Variants in U2AF2 observed in about 807,000 individuals in gnomAD.
U2AF2 encodes the protein U2 small nuclear RNA auxiliary factor 2, also known as splicing factor U2AF 65 kDa subunit.
In U2AF2, 6 loss-of-function variants were observed where a neutral mutation model predicts 52.6. That is an observed-to-expected ratio of 0.11 (90% CI 0.06 to 0.23). The LOEUF (loss-of-function observed/expected upper bound fraction) is 0.23. Ranked by LOEUF, U2AF2 falls within the 10% of genes least tolerant of loss-of-function variation. The pLI is 1.00. For synonymous variants in U2AF2, 284 were observed against 258.2 expected (o/e 1.10, Z -0.96); for missense variants, 222 against 677.1 (o/e 0.33, Z 7.46).
intron 11 of U2AF2, among the ~76,000 whole-genome samples, chr19:55,672,827 T>G (rs777687246): frequency 4.4e-4 from 67 of 151,768 alleles, no homozygotes; most frequent in Non-Finnish European, 8.1e-4. Flanking sequence ...GTATTTTTAA[T>G]AGAGACAGGG....
chr19:55,664,107 A>G, intron 7 of U2AF2: 1 of 214,330 alleles, frequency 4.7e-6, no homozygotes, highest in Non-Finnish European at 9.3e-6. Context: ...CTGTGTGTCG[A>G]CGGTTGGCAG....
At chr19:55,662,233 GC>G in intron 5 of U2AF2, 1 of 357,230 alleles carries the variant, frequency 2.8e-6, no homozygotes, top group Middle Eastern at 7.5e-4. Context: ...ATTTTTTGGG[GC>G]CCCTGTGGCT....
chr19:55,668,599 C>T lies in U2AF2; in HGVS notation c.822+13C>T, dbSNP rs1225689351. The T allele has an allele frequency of 1.7e-5, 28 of 1,604,166 alleles. No homozygotes were observed. Among genetic ancestry groups the T allele is most frequent in the Non-Finnish European group, 2.2e-5 (26 of 1,174,146 alleles). The stretch of plus-strand genomic sequence containing the variant: ...GAACGATGACCAGGTAACTTCCCTG[C>T]CTCCCTCCAGACCCGTCCCCCCACC... On this transcript the variant is annotated intron_variant, in intron 8 of 11. Coordinates refer to ENST00000308924, the MANE Select transcript of U2AF2 (RefSeq NM_007279.3). The surrounding 1 kb of genome is among the most constrained non-coding windows in gnomAD (Gnocchi z 5.5).
At chr19:55,669,062 C>T in intron 9 of U2AF2, 21 bp from the exon 10 acceptor site, 2 of 1,609,130 alleles carry the variant, frequency 1.2e-6, no homozygotes, top group Non-Finnish European at 1.7e-6. Flanking sequence ...CACCCCCCGA[C>T]CCCTCATCCT....
rs1014765071 is a variant in U2AF2, at chr19:55,660,197, C to G, written c.206C>G (p.Ala69Gly). 3.7e-6 allele frequency: 6 copies of G among 1,610,294 alleles called. No homozygotes were observed. In the African/African-American group the frequency reaches 8.1e-5, roughly 22 times the overall value. Residue 69 changes from alanine (A) to glycine (G), a missense_variant, in exon 3 of 12, where the codon GCT (alanine) becomes GGT (glycine). Physicochemically the swap from Ala to Gly is moderately conservative, Grantham distance 60. Transcript: ENST00000308924. The stretch of plus-strand genomic sequence containing the variant: ...CCCAGCAAACCTTTGACCAGAGGCG[C>G]TAAAGAGGAGCACGGTGGACTGATG... ...RRRSKPLTRG[A>G]KEEHGGLIRS...
Position 55,655,119 on chromosome 19 carries a change from C to A in U2AF2, c.15C>A (p.Asp5Glu), listed in dbSNP as rs528369666. 1.9e-6 allele frequency: 3 copies of A among 1,604,548 alleles called. No homozygotes were observed. Among genetic ancestry groups the A allele is most frequent in the Admixed American group, 3.4e-5 (2 of 59,648 alleles). Reference sequence around the variant, plus strand: ...GCCGCCTCAGCATGTCGGACTTCGACGAGTTCGAGCGGCAGCTCAACGAGA... The same window carrying A: ...GCCGCCTCAGCATGTCGGACTTCGAAGAGTTCGAGCGGCAGCTCAACGAGA... MSDF[D>E]EFERQLNENK... Residue 5 changes from aspartate to glutamate, a missense_variant, in exon 1 of 12, where the codon GAC (aspartate) becomes GAA (glutamate). By Grantham distance (45) the Asp-to-Glu change is conservative (BLOSUM62 2). This residue lies in a region of U2AF2 where 100 missense variants were observed against 144.1 expected (regional missense o/e 0.69). Transcript: ENST00000308924.
At chr19:55,663,480 C>T (rs1984349602) in intron 6 of U2AF2, 126 bp from the exon 7 acceptor site, 5 of 1,438,012 alleles carry the variant, frequency 3.5e-6, no homozygotes, top group Non-Finnish European at 4.7e-6. Context: ...AGTGCCCAGC[C>T]TGGGGCCTGG....
chr19:55,668,909 G>A lies in U2AF2; in HGVS notation c.945+117G>A. 1 of 1,529,844 alleles carries A rather than the reference G, an allele frequency of 6.5e-7. No individual in the cohort carries two copies. Among genetic ancestry groups the A allele is most frequent in the Non-Finnish European group, 8.8e-7 (1 of 1,135,518 alleles). The allele number at this position is 1,529,844 out of a possible 1,614,324, so 94.8% of individuals were successfully genotyped here. A position where few individuals can be genotyped will look rare whatever the true frequency, so the allele number is the denominator to read the frequency against. On this transcript the variant is annotated intron_variant, in intron 9 of 11. Coordinates refer to ENST00000308924, the MANE Select transcript of U2AF2 (RefSeq NM_007279.3). The surrounding 1 kb of genome is among the most constrained non-coding windows in gnomAD (Gnocchi z 5.5). ...CGGGAGGCGGCCAACCTGAGGCAGT[G>A]CCCTGTGTGTGGGCTCGTCCCTGTC... is the stretch of plus-strand genomic sequence containing the variant.
At chr19:55,660,399 G>A (rs1332597582) in intron 3 of U2AF2, 117 bp from the exon 4 acceptor site, 13 of 1,097,678 alleles carry the variant, frequency 1.2e-5, no homozygotes, top group Non-Finnish European at 1.6e-5. Flanking sequence ...TCCCTGGAGA[G>A]AGTGGAGCTT....
intron 1 of U2AF2, among the ~76,000 whole-genome samples, chr19:55,657,956 C>T (rs369892349): frequency 5.9e-5 from 9 of 152,150 alleles, no homozygotes; most frequent in Admixed American, 3.9e-4. Context: ...GTACAGATTC[C>T]GGTTGTAGGA....
chr19:55,658,722 C>T (rs958620243), intron 1 of U2AF2: 1 of 153,644 alleles, frequency 6.5e-6, no homozygotes, highest in African/African-American at 2.4e-5. Context: ...TCCCTGCTTC[C>T]TGGGGATATC....
At chr19:55,660,439 C>G in intron 3 of U2AF2, 77 bp from the exon 4 acceptor site, 2 of 1,195,720 alleles carry the variant, frequency 1.7e-6, no homozygotes. Context: ...GAAAGGGTGC[C>G]TGGGAGGGGG....
chr19:55,667,103 C>A (rs981807076), intron 7 of U2AF2, among the ~76,000 whole-genome samples: 1 of 152,034 alleles, frequency 6.6e-6, no homozygotes, highest in Non-Finnish European at 1.5e-5. Context: ...TCTGTGTGGC[C>A]CCAGTCTGGT....
rs1051241117 is a variant in U2AF2, at chr19:55,668,308, G to A, written c.743-199G>A. Reference sequence around the variant, plus strand: ...TTGGGAGACATGGTGCGTTCTCCCCGAGGAGCCTCTGTGTGCCACTGCCCA... The same window carrying A: ...TTGGGAGACATGGTGCGTTCTCCCCAAGGAGCCTCTGTGTGCCACTGCCCA... On this transcript the variant is annotated intron_variant, in intron 7 of 11. Coordinates refer to ENST00000308924, the MANE Select transcript of U2AF2 (RefSeq NM_007279.3). This position sits in a 1 kb window ranked among gnomAD's most constrained non-coding sequence, Gnocchi z 5.5. 1.3e-5 allele frequency among the ~76,000 whole-genome samples: 2 copies of A among 152,090 alleles called. No homozygotes were observed. Among genetic ancestry groups the A allele is most frequent in the African/African-American group, 2.4e-5 (1 of 41,404 alleles).
chr19:55,657,182 A>G (rs1485692275), intron 1 of U2AF2, among the ~76,000 whole-genome samples: 2 of 152,192 alleles, frequency 1.3e-5, no homozygotes, highest in Non-Finnish European at 2.9e-5. Context: ...TGGTGCTGGT[A>G]GGGCAGTCCC....
chr19:55,663,568 G>T, intron 6 of U2AF2, 38 bp from the exon 7 acceptor site: 2 of 1,605,590 alleles, frequency 1.2e-6, no homozygotes, highest in Non-Finnish European at 1.7e-6. Context: ...ACTAGTCCCT[G>T]ACCCCCATCC....
In U2AF2 at chr19:55,669,045, C is replaced by T. The variant is rs781202593; in HGVS notation, c.946-38C>T. 2.5e-6 allele frequency: 4 copies of T among 1,600,550 alleles called. No individual in the cohort carries two copies. The South Asian group carries it at 3.3e-5, about 13-fold the overall frequency. On this transcript the variant is annotated intron_variant, in intron 9 of 11. Transcript: ENST00000308924. ...GGGCTCCTGGTCCCTGACCCCACCT[C>T]TCCCCGCACCCCCCGACCCCTCATC...
Position 55,655,170 on chromosome 19 carries a change from C to T in U2AF2, c.49+17C>T, listed in dbSNP as rs767771616. On this transcript the variant is annotated intron_variant, in intron 1 of 11. Transcript: ENST00000308924. ...ATAAACAAGGTGAGGGCACCGGGGTCGCGGGGCGGAGGTGTGGGCGGCTCC... is the reference window on the plus strand; with the variant it reads ...ATAAACAAGGTGAGGGCACCGGGGTTGCGGGGCGGAGGTGTGGGCGGCTCC... 1 of 1,600,794 alleles carries T rather than the reference C, an allele frequency of 6.2e-7. No individual in the cohort carries two copies. The highest frequency in any genetic ancestry group is 1.1e-5 in the South Asian group (1 of 90,322).
At chr19:55,663,214 C>A (rs1243959499) in intron 6 of U2AF2, among the ~76,000 whole-genome samples, 1 of 152,190 alleles carries the variant, frequency 6.6e-6, no homozygotes, top group African/African-American at 2.4e-5. Flanking sequence ...GTCTTTGCCT[C>A]ACTGCAGTCC....
Sources: allele counts gnomAD v4.1 joint callset (sites outside exome capture counted in the v4.1 genomes callset), GRCh38; gene constraint gnomAD v4.1.1; regional missense constraint gnomAD v4.1.1; non-coding constraint Gnocchi (gnomAD v3.1); transcripts MANE v1.5; gene names NCBI Gene and HGNC (gene_info 2026-07-23, HGNC 2026-07-21).